LSS: variants seen among roughly 807,000 people sequenced by gnomAD.
LSS encodes 2,3-epoxysqualene-lanosterol cyclase.
In LSS, 90 loss-of-function variants were observed where a neutral mutation model predicts 110.3. That is an observed-to-expected ratio of 0.82 (90% CI 0.69 to 0.97). LSS has a LOEUF of 0.97. Among genes scored for constraint, LSS ranks in the 50% least tolerant of loss-of-function variants. The pLI is 0.00. For synonymous variants in LSS, 433 were observed against 400.0 expected (o/e 1.08, Z -0.98); for missense variants, 927 against 990.0 (o/e 0.94, Z 0.85).
intron 17 of LSS, among the ~76,000 whole-genome samples, chr21:46,205,402 C>T (rs971003164): frequency 2.0e-5 from 3 of 152,170 alleles, no homozygotes; most frequent in African/African-American, 7.2e-5. Context: ...GGCATGTGGG[C>T]GGCCCCGTCA....
At chr21:46,215,540 G>A (rs2080192378) in intron 8 of LSS, 145 bp downstream of exon 8, 1 of 638,178 alleles carries the variant, frequency 1.6e-6, no homozygotes, top group Non-Finnish European at 2.7e-6. Flanking sequence ...AGGGTGGAGG[G>A]GCAGGGCGAT....
chr21:46,205,024 A>G lies in LSS; in HGVS notation c.1670+812T>C, dbSNP rs1036721715. 2.6e-5 allele frequency among the ~76,000 whole-genome samples: 4 copies of G among 152,344 alleles called. No individual in the cohort carries two copies. The Middle Eastern group carries it at 0.01, about 389-fold the overall frequency. On this transcript the variant is annotated intron_variant, in intron 17 of 21. Coordinates refer to ENST00000397728, the MANE Select transcript of LSS (RefSeq NM_002340.6). ...TAAAAAAATGTAATCGTGATAGGAT[A>G]AAGAAGAACCTACAAAAATCACATA...
intron 18 of LSS, 39 bp downstream of exon 18, chr21:46,196,163 C>A (rs775006471): frequency 6.3e-7 from 1 of 1,593,662 alleles, no homozygotes; most frequent in Non-Finnish European, 8.6e-7. Context: ...ACCTGTGGAT[C>A]CCGTGCATCT....
chr21:46,202,891 A>G (rs1482146455), intron 17 of LSS, among the ~76,000 whole-genome samples: 1 of 152,198 alleles, frequency 6.6e-6, no homozygotes, highest in Non-Finnish European at 1.5e-5. Flanking sequence ...AAATAAACAA[A>G]AAAAGAATGT....
intron 17 of LSS, 31 bp from the exon 18 acceptor site, chr21:46,196,298 C>G: frequency 6.3e-7 from 1 of 1,583,386 alleles, no homozygotes; most frequent in East Asian, 2.2e-5. Context: ...AGTGAACATT[C>G]TGGTAAAACA....
chr21:46,196,814 C>T lies in LSS; in HGVS notation c.1671-547G>A, dbSNP rs114972792. ...CCTGGGACCGAGGTCTGTGTGACCG[C>T]GACTCCCATGGTGCTAGCAGACTCC... On this transcript the variant is annotated intron_variant, in intron 17 of 21. Coordinates refer to ENST00000397728, the MANE Select transcript of LSS (RefSeq NM_002340.6). Among the ~76,000 whole-genome samples, 663 of 152,314 alleles carry T rather than the reference C, an allele frequency of 4.4e-3. 5 individuals are homozygous for T. Among genetic ancestry groups the T allele is most frequent in the African/African-American group, 0.015 (634 of 41,566 alleles).
chr21:46,192,117 G>A lies in LSS; in HGVS notation c.1989-158C>T, dbSNP rs1049805015. ...ACAGGCCCCGCCAGGTGCAGCCAGC[G>A]CCTCGGGCTCTTGCCACACCTTCTT... is the stretch of plus-strand genomic sequence containing the variant. On this transcript the variant is annotated intron_variant, in intron 20 of 21. Coordinates refer to ENST00000397728, the MANE Select transcript of LSS (RefSeq NM_002340.6). 24 of 654,140 alleles carry A rather than the reference G, an allele frequency of 3.7e-5. 1 individual carries two copies. The highest frequency in any genetic ancestry group is 1.9e-4 in the South Asian group (11 of 57,702). 40.5% of individuals were successfully genotyped at this position (654,140 alleles called of 1,614,324 possible). A position where few individuals can be genotyped will look rare whatever the true frequency, so the allele number is the denominator to read the frequency against.
chr21:46,196,087 C>A, intron 18 of LSS, 115 bp downstream of exon 18: 1 of 1,100,696 alleles, frequency 9.1e-7, no homozygotes, highest in East Asian at 2.5e-5. Context: ...AGCTCACTTC[C>A]AGAAACTTCT....
At chr21:46,228,296 C>T (rs1669384166) in intron 2 of LSS, 138 bp downstream of exon 2, 2 of 933,830 alleles carry the variant, frequency 2.1e-6, no homozygotes, top group Non-Finnish European at 3.1e-6. Context: ...CCCGCGAACG[C>T]AGTTCCCGTG....
chr21:46,217,218 G>A (rs2080217921), intron 6 of LSS, among the ~76,000 whole-genome samples: 1 of 148,346 alleles, frequency 6.7e-6, no homozygotes, highest in African/African-American at 2.5e-5. Flanking sequence ...CACACAGCCT[G>A]GTGACAGAGC....
intron 17 of LSS, among the ~76,000 whole-genome samples, chr21:46,197,956 G>C (rs2079930913): frequency 2.0e-5 from 3 of 151,844 alleles, no homozygotes; most frequent in Non-Finnish European, 4.4e-5. Flanking sequence ...CAATACTAAG[G>C]TCGATCTCAG....
chr21:46,194,726 C>A, intron 19 of LSS, 65 bp from the exon 20 acceptor site: 1 of 1,518,340 alleles, frequency 6.6e-7, no homozygotes, highest in Non-Finnish European at 8.8e-7. Flanking sequence ...TGGCTTCTCA[C>A]CCCAGCAGGC....
intron 11 of LSS, 143 bp from the exon 12 acceptor site, chr21:46,210,887 G>T: frequency 1.4e-6 from 1 of 732,896 alleles, no homozygotes; most frequent in Non-Finnish European, 2.3e-6. Context: ...TGAGCCCTGG[G>T]CACCCCTCAT....
rs1428507749 is a variant in LSS, at chr21:46,196,239, A to C, written c.1699T>G (p.Cys567Gly). The stretch of plus-strand genomic sequence containing the variant: ...CCATCGGCCCTCTGCTGCCGCCGAC[A>C]GAACTCTAAGCCCTGCGTGAGGGTC... ...RETLTQGLEF[C>G]RRQQRADGSW... The change falls in exon 18 of 22, where the codon TGT (cysteine) becomes GGT (glycine). Residue 567 changes from cysteine to glycine, a missense_variant. Physicochemically the swap from Cys to Gly is radical, Grantham distance 159. Coordinates refer to ENST00000397728, the MANE Select transcript of LSS (RefSeq NM_002340.6). 6.2e-7 allele frequency: 1 copy of C among 1,614,198 alleles called. No homozygotes were observed. The highest frequency in any genetic ancestry group is 1.1e-5 in the South Asian group (1 of 91,082).
chr21:46,214,361 T>C (rs2080172395), intron 9 of LSS, among the ~76,000 whole-genome samples: 1 of 152,232 alleles, frequency 6.6e-6, no homozygotes, highest in Non-Finnish European at 1.5e-5. Flanking sequence ...ATGTGCTCTA[T>C]ATGGGATTAA....
intron 20 of LSS, chr21:46,192,190 A>T (rs569635092): frequency 7.9e-4 from 471 of 599,338 alleles, no homozygotes; most frequent in Non-Finnish European, 1.2e-3. Flanking sequence ...GGCTGGGGAC[A>T]CAGGCCTCCT....
At chr21:46,222,390 T>C (rs1330475922) in intron 4 of LSS, 6 of 565,094 alleles carry the variant, frequency 1.1e-5, no homozygotes, top group East Asian at 5.9e-5. Flanking sequence ...AGTTTTCACA[T>C]GTGGGTCTCA....
intron 6 of LSS, among the ~76,000 whole-genome samples, chr21:46,218,574 A>G (rs2080236236): frequency 6.6e-6 from 1 of 152,062 alleles, no homozygotes; most frequent in Non-Finnish European, 1.5e-5. Context: ...CAGTGACCCC[A>G]AATCACGCCA....
In LSS at chr21:46,211,409, G is replaced by A. The variant is rs545695783; in HGVS notation, c.1138-665C>T. ...CTCCCAAAGTGTAGGGATTACAGGC[G>A]TGAGCCACCGCACCTGGCCAATGAT... On this transcript the variant is annotated intron_variant, in intron 11 of 21. Coordinates refer to ENST00000397728, the MANE Select transcript of LSS (RefSeq NM_002340.6). Among the ~76,000 whole-genome samples, 469 of 152,298 alleles carry A rather than the reference G, an allele frequency of 3.1e-3. 2 individuals are homozygous for A. The highest frequency in any genetic ancestry group is 4.5e-3 in the Non-Finnish European group (306 of 68,018).
Sources: gnomAD v4.1 joint callset for allele counts (sites outside exome capture counted in the v4.1 genomes callset) on GRCh38, gnomAD v4.1.1 for gene constraint, MANE v1.5 for transcripts, NCBI Gene and HGNC (gene_info 2026-07-23, HGNC 2026-07-21) for gene names.